The following CENPT variants were observed in gnomAD, a reference collection of about 807,000 sequenced individuals.
CENPT encodes the protein centromere protein T.
A neutral mutation model predicts 59.7 loss-of-function variants in CENPT; 42 were observed. That is an observed-to-expected ratio of 0.70 (90% CI 0.55 to 0.91). The LOEUF is 0.91. CENPT is among the 40% of genes least tolerant of loss of function. The pLI is 0.00. For missense variants in CENPT, 716 were observed against 713.4 expected (o/e 1.00, Z -0.04); for synonymous variants, 295 against 289.6 (o/e 1.02, Z -0.19).
At chr16:67,833,556 A>AC (rs540853401) in intron 4 of CENPT, among the ~76,000 whole-genome samples, 194 bp downstream of exon 4, 197 of 152,242 alleles carry the variant, frequency 1.3e-3, no homozygotes, top group African/African-American at 4.6e-3. Flanking sequence ...ACCAGTTCTC[A>AC]GAGTCCCAGG....
intron 7 of CENPT, 31 bp downstream of exon 7, chr16:67,831,980 AG>A (rs1473653672): frequency 6.3e-7 from 1 of 1,590,674 alleles, no homozygotes; most frequent in Admixed American, 1.7e-5. Context: ...AGCTGCCCAT[AG>A]CACAATCCAA....
chr16:67,844,194 T>C (rs1228586344), intron 1 of CENPT: 1 of 166,664 alleles, frequency 6.0e-6, no homozygotes, highest in African/African-American at 2.4e-5. Flanking sequence ...GTAAGGTTTT[T>C]ATTTGGGTCT....
rs753297172 is a variant in CENPT at position 67,831,632 on chromosome 16, G to GA, written c.524-21dup. ...GAGGCTCTGTCAGCAACCGGCAAGA[G>GA]AATGTAAAAGAAGAAAACCATGGTA... On this transcript the variant is annotated intron_variant, in intron 8 of 15. Coordinates refer to ENST00000562787, the MANE Select transcript of CENPT (RefSeq NM_025082.4). The GA allele has an allele frequency of 3.1e-6, 5 of 1,613,974 alleles. No homozygotes were observed. Among genetic ancestry groups the GA allele is most frequent in the Non-Finnish European group, 4.2e-6 (5 of 1,179,914 alleles).
chr16:67,836,281 T>C (rs1218738581), intron 1 of CENPT, among the ~76,000 whole-genome samples: 3 of 143,446 alleles, frequency 2.1e-5, no homozygotes, highest in Non-Finnish European at 3.0e-5. Context: ...AAGATGGTCT[T>C]GACCTCCTGA....
chr16:67,835,734 G>A (rs1800771445), intron 1 of CENPT, 76 bp from the exon 2 acceptor site: 1 of 151,958 alleles, frequency 6.6e-6, no homozygotes, highest in South Asian at 2.1e-4. Context: ...AAAAGCTATC[G>A]ATATTCCTTG....
chr16:67,830,664 G>C (rs1368576658), intron 10 of CENPT, 116 bp from the exon 11 acceptor site: 1 of 1,083,572 alleles, frequency 9.2e-7, no homozygotes, highest in African/African-American at 1.6e-5. Flanking sequence ...GGCCTGGACA[G>C]TGGGCTGCAT....
At chr16:67,831,491 T>C (rs1848886926) in intron 9 of CENPT, 85 bp downstream of exon 9, 2 of 1,580,642 alleles carry the variant, frequency 1.3e-6, no homozygotes, top group African/African-American at 1.3e-5. Flanking sequence ...GGAAGTAGTA[T>C]GGGCAGATTC....
chr16:67,832,342 T>C, intron 5 of CENPT, 27 bp from the exon 6 acceptor site: 1 of 1,612,876 alleles, frequency 6.2e-7, no homozygotes, highest in Non-Finnish European at 8.5e-7. Context: ...AAGCAACCAG[T>C]CTGTCCGTCT....
chr16:67,846,512 A>AG (rs2057799875), intron 1 of CENPT, among the ~76,000 whole-genome samples: 1 of 152,166 alleles, frequency 6.6e-6, no homozygotes, highest in South Asian at 2.1e-4. Context: ...CCCCAAGGGG[A>AG]GGGGGTTTCG....
intron 1 of CENPT, among the ~76,000 whole-genome samples, chr16:67,844,964 T>C (rs2057787859): frequency 6.6e-6 from 1 of 152,042 alleles, no homozygotes; most frequent in South Asian, 2.1e-4. Flanking sequence ...GATTTTTGTA[T>C]TTTCAGTAGA....
chr16:67,833,389 G>A (rs2057711664), intron 4 of CENPT, among the ~76,000 whole-genome samples: 1 of 152,246 alleles, frequency 6.6e-6, no homozygotes, highest in Admixed American at 6.5e-5. Flanking sequence ...AGAGAACAGA[G>A]CAGAAGGTGA....
chr16:67,844,697 C>T (rs1347810604), intron 1 of CENPT, among the ~76,000 whole-genome samples: 2 of 152,034 alleles, frequency 1.3e-5, no homozygotes, highest in Non-Finnish European at 2.9e-5. Flanking sequence ...GGTACACCTT[C>T]GGTGTGACAG....
rs2057774424 is a variant in CENPT, at chr16:67,842,923, G to GCAGCAGCAGCAGCAGCAGCAA, written c.-492+4477_-492+4478insTTGCTGCTGCTGCTGCTGCTG. On this transcript the variant is annotated intron_variant, in intron 1 of 15. Coordinates refer to ENST00000562787, the MANE Select transcript of CENPT (RefSeq NM_025082.4). The surrounding 1 kb of genome is among the most constrained non-coding windows in gnomAD (Gnocchi z 4.9). ...AGCAACAGCAGCAGCAGCAGCAACAGCAGCAGCAGCAGCAGCAGCAGCAGC... is the reference window on the plus strand; with the variant it reads ...AGCAACAGCAGCAGCAGCAGCAACAGCAGCAGCAGCAGCAGCAGCAACAGCAGCAGCAGCAGCAGCAGCAGC... 79 of 705,478 alleles carry GCAGCAGCAGCAGCAGCAGCAA rather than the reference G, an allele frequency of 1.1e-4. No individual in the cohort carries two copies. The highest frequency in any genetic ancestry group is 1.4e-4 in the Non-Finnish European group (77 of 563,184). The allele number at this position is 705,478 out of a possible 1,614,324, so 43.7% of individuals were successfully genotyped here.
At chr16:67,844,786 T>A (rs2057786101) in intron 1 of CENPT, among the ~76,000 whole-genome samples, 1 of 151,798 alleles carries the variant, frequency 6.6e-6, no homozygotes, top group Admixed American at 6.6e-5. Flanking sequence ...GCCTCTATTT[T>A]TTTTTTTTTA....
chr16:67,841,927 C>G (rs1330095432), intron 1 of CENPT: 1 of 152,326 alleles, frequency 6.6e-6, no homozygotes, highest in Non-Finnish European at 1.5e-5. Context: ...CGCCCGAATC[C>G]TGGTCCGCAG....
chr16:67,841,816 G>A (rs1014591780), intron 1 of CENPT: 2 of 152,268 alleles, frequency 1.3e-5, no homozygotes, highest in African/African-American at 2.4e-5. Flanking sequence ...GAGACCCTTC[G>A]GGGCGCCGAG....
chr16:67,830,717 C>A, intron 10 of CENPT, 169 bp from the exon 11 acceptor site: 1 of 635,986 alleles, frequency 1.6e-6, no homozygotes. Context: ...GACGACCTAG[C>A]ACGCGAGGCC....
At chr16:67,841,193 CAAAAAAAAAAAAAA>C (rs772893427) in intron 1 of CENPT, among the ~76,000 whole-genome samples, 2 of 27,572 alleles carry the variant, frequency 7.3e-5, no homozygotes, top group South Asian at 1.7e-3. Flanking sequence ...GACTCCTTTA[CAAAAAAAAAAAAAA>C]AAAAAAAAAA....
Position 67,830,725 on chromosome 16 carries a change from G to C in CENPT, c.704-177C>G, listed in dbSNP as rs924066778. The C allele has an allele frequency of 4.7e-5, 29 of 616,152 alleles. No individual in the cohort carries two copies. In the East Asian group the frequency reaches 7.4e-4, roughly 16 times the overall value. The allele number at this position is 616,152 out of a possible 1,614,324, so 38.2% of individuals were successfully genotyped here. A position where few individuals can be genotyped will look rare whatever the true frequency, so the allele number is the denominator to read the frequency against. Reference sequence around the variant, plus strand: ...GAAAGAAGACGACCTAGCACGCGAGGCCTTATCGCCTACAGCCCTCCTTGC... The same window carrying C: ...GAAAGAAGACGACCTAGCACGCGAGCCCTTATCGCCTACAGCCCTCCTTGC... On this transcript the variant is annotated intron_variant, in intron 10 of 15. Transcript: ENST00000562787.
Sources: gnomAD v4.1 joint callset for allele counts (sites outside exome capture counted in the v4.1 genomes callset) on GRCh38, gnomAD v4.1.1 for gene constraint, Gnocchi (gnomAD v3.1) non-coding constraint, MANE v1.5 for transcripts, NCBI Gene and HGNC (gene_info 2026-07-23, HGNC 2026-07-21) for gene names.